C2CD3: variants seen among roughly 807,000 people sequenced by gnomAD.
C2CD3 encodes the protein C2 domain-containing protein 3.
Under a neutral mutation model 234.0 loss-of-function variants are expected in C2CD3, and 148 were observed. The ratio of observed to expected loss-of-function variants is 0.63; its 90% CI spans 0.55 to 0.72. The LOEUF (loss-of-function observed/expected upper bound fraction) is 0.72, where lower values mean the gene tolerates loss of function less well. Ranked by LOEUF, C2CD3 falls within the 30% of genes least tolerant of loss-of-function variation. The pLI is 0.00. For missense variants in C2CD3, 2,577 were observed against 2,811.5 expected (o/e 0.92, Z 1.89); for synonymous variants, 1,000 against 1,035.4 (o/e 0.97, Z 0.66).
chr11:74,117,004 A>ATATATACACATATATACGTGTATATGTG lies in C2CD3; in HGVS notation c.1520+1223_1520+1224insCACATATACACGTATATATGTGTATATA, dbSNP rs1565312970. 6.4e-5 allele frequency among the ~76,000 whole-genome samples: 8 copies of ATATATACACATATATACGTGTATATGTG among 124,272 alleles called. 1 individual carries two copies. The highest frequency in any genetic ancestry group is 1.0e-4 in the Non-Finnish European group (6 of 59,750). 81.5% of individuals were successfully genotyped at this position (124,272 alleles called of 152,430 possible). ...TATATACACATATACGTGTATATGTATATATACACATATATACGTGTATAT... is the reference window on the plus strand; with the variant it reads ...TATATACACATATACGTGTATATGTATATATACACATATATACGTGTATATGTGTATATACACATATATACGTGTATAT... On this transcript the variant is annotated intron_variant, in intron 9 of 32. Coordinates refer to ENST00000334126, the MANE Select transcript of C2CD3 (RefSeq NM_001286577.2).
intron 24 of C2CD3, among the ~76,000 whole-genome samples, chr11:74,060,513 A>G (rs946327828): frequency 6.6e-6 from 1 of 152,224 alleles, no homozygotes; most frequent in African/African-American, 2.4e-5. Flanking sequence ...CAGGGTCTGG[A>G]GTGGACCTCC....
chr11:74,113,057 C>T (rs1363402581), intron 11 of C2CD3: 1 of 152,168 alleles, frequency 6.6e-6, no homozygotes, highest in Non-Finnish European at 1.5e-5. Context: ...GAATGTCCAG[C>T]AACTGAGAAA....
rs750284612 is a variant in C2CD3, at chr11:74,098,272, T to A, written c.2733-17A>T. 3.7e-6 allele frequency: 6 copies of A among 1,609,926 alleles called. No homozygotes were observed. The East Asian group carries it at 1.3e-4, about 36-fold the overall frequency. On this transcript the variant is annotated splice_polypyrimidine_tract_variant and intron_variant, in intron 15 of 32. Coordinates refer to ENST00000334126, the MANE Select transcript of C2CD3 (RefSeq NM_001286577.2). Reference sequence around the variant, plus strand: ...TTAGCATCTCTAGAGGGGGAGAAATTGTGAATAAGCAAATAACAAGCATCA... The same window carrying A: ...TTAGCATCTCTAGAGGGGGAGAAATAGTGAATAAGCAAATAACAAGCATCA...
rs34906978 is a variant in C2CD3, at chr11:74,026,962, C to CAAA, written c.6921+1322_6921+1324dup. ...TTCCAGCTGGCGACAGAATAAGCCT[C>CAAA]AAAAAAAAAAAAAAAAAAAAATTTA... On this transcript the variant is annotated intron_variant, in intron 32 of 32. Transcript: ENST00000334126. 1.8e-3 allele frequency among the ~76,000 whole-genome samples: 186 copies of CAAA among 105,200 alleles called. 1 individual carries two copies. The highest frequency in any genetic ancestry group is 5.3e-3 in the African/African-American group (156 of 29,280). 69.0% of individuals were successfully genotyped at this position (105,200 alleles called of 152,430 possible). A position where few individuals can be genotyped will look rare whatever the true frequency, so the allele number is the denominator to read the frequency against.
At chr11:74,113,990 C>T in intron 10 of C2CD3, 98 bp from the exon 11 acceptor site, 1 of 718,042 alleles carries the variant, frequency 1.4e-6, no homozygotes, top group East Asian at 2.7e-5. Context: ...CTTTCAGGAC[C>T]TCTAGTACTC....
At chr11:74,082,208 C>T (rs1333198960) in intron 22 of C2CD3, among the ~76,000 whole-genome samples, 3 of 151,930 alleles carry the variant, frequency 2.0e-5, no homozygotes, top group South Asian at 2.1e-4. Flanking sequence ...CTCCGCCTCC[C>T]GGGTTCATGC....
chr11:74,034,913 C>T (rs963621545), intron 30 of C2CD3, among the ~76,000 whole-genome samples: 15 of 152,150 alleles, frequency 9.9e-5, no homozygotes, highest in African/African-American at 1.4e-4. Flanking sequence ...CATAAGGTTA[C>T]AGTAGAGAAT....
rs1474277776 is a variant in C2CD3, at chr11:74,116,182, C to T, written c.1521-1589G>A. Reference sequence around the variant, plus strand: ...CAAAAGAAACAGTCGGCAGAGTAAACAGACAACCCACAGAATGGGAGAAAA... The same window carrying T: ...CAAAAGAAACAGTCGGCAGAGTAAATAGACAACCCACAGAATGGGAGAAAA... On this transcript the variant is annotated intron_variant, in intron 9 of 32. Transcript: ENST00000334126. Among the ~76,000 whole-genome samples, 3 of 152,234 alleles carry T rather than the reference C, an allele frequency of 2.0e-5. No individual in the cohort carries two copies. In the South Asian group the frequency reaches 6.2e-4, roughly 32 times the overall value.
At chr11:74,063,183 C>T (rs867491823) in intron 24 of C2CD3, among the ~76,000 whole-genome samples, 2 of 152,140 alleles carry the variant, frequency 1.3e-5, no homozygotes, top group African/African-American at 2.4e-5. Context: ...GATTCACAGC[C>T]GCATCTACCA....
At chr11:74,164,186 T>C in intron 2 of C2CD3, 28 of 970,558 alleles carry the variant, frequency 2.9e-5, no homozygotes, top group Non-Finnish European at 3.3e-5. Flanking sequence ...TTAGAATCCC[T>C]ACTGTCCAGC....
Position 74,121,003 on chromosome 11 carries a change from A to C in C2CD3, c.1365+1985T>G, listed in dbSNP as rs994477679. 2.0e-5 allele frequency among the ~76,000 whole-genome samples: 3 copies of C among 151,922 alleles called. No individual in the cohort carries two copies. In the South Asian group the frequency reaches 6.3e-4, roughly 32 times the overall value. On this transcript the variant is annotated intron_variant, in intron 8 of 32. Transcript: ENST00000334126. Reference sequence around the variant, plus strand: ...GAGACCCTGTCTCTACAGAAAAAAAAAAAAAAGAGCTAAAATGTTTCAGGA... The same window carrying C: ...GAGACCCTGTCTCTACAGAAAAAAACAAAAAAGAGCTAAAATGTTTCAGGA...
At position 74,092,579 on chromosome 11, in the gene C2CD3, A is replaced by G; in HGVS notation, c.3354T>C (p.Tyr1118=). ...VQFEIWCRYY[Y]PNVRDQKVAK... is the part of the protein sequence containing the mutation. Reference sequence around the variant, plus strand: ...CGACCTTCTGGTCTCTCACATTAGGATAATAGTATCTGTAAACCACAAAAG... The same window carrying G: ...CGACCTTCTGGTCTCTCACATTAGGGTAATAGTATCTGTAAACCACAAAAG... Residue 1118 remains tyrosine, a synonymous_variant, in exon 19 of 33, where the codon TAT becomes TAC. Coordinates refer to ENST00000334126, the MANE Select transcript of C2CD3 (RefSeq NM_001286577.2). 6.2e-7 allele frequency: 1 copy of G among 1,612,238 alleles called. No individual in the cohort carries two copies. The highest frequency in any genetic ancestry group is 8.5e-7 in the Non-Finnish European group (1 of 1,179,130).
At chr11:74,144,444 CT>C (rs147032498) in intron 3 of C2CD3, among the ~76,000 whole-genome samples, 4,028 of 152,108 alleles carry the variant, frequency 0.026, 177 homozygotes, top group African/African-American at 0.091. Context: ...TACAGTTTTT[CT>C]TTTTTAAAAA....
chr11:74,114,366 C>T lies in C2CD3; in HGVS notation c.1730+18G>A. 2 of 1,591,104 alleles carry T rather than the reference C, an allele frequency of 1.3e-6. No individual in the cohort carries two copies. The highest frequency in any genetic ancestry group is 1.7e-6 in the Non-Finnish European group (2 of 1,160,800). ...TTCCAAAAATGTCAAATTTAGCTTT[C>T]TCATGTTAGAGACATACCGCTTTTT... On this transcript the variant is annotated intron_variant, in intron 10 of 32. Transcript: ENST00000334126.
At chr11:74,121,613 A>AAC (rs1957218900) in intron 8 of C2CD3, among the ~76,000 whole-genome samples, 2 of 132,758 alleles carry the variant, frequency 1.5e-5, no homozygotes, top group South Asian at 4.2e-4. Flanking sequence ...CGTCTCAAAA[A>AAC]AAAAAAAAAA....
In C2CD3 at chr11:74,103,317, T is replaced by C. The variant is rs1427358727; in HGVS notation, c.2394A>G (p.Thr798=). 6.2e-7 allele frequency: 1 copy of C among 1,614,202 alleles called. No individual in the cohort carries two copies. Among genetic ancestry groups the C allele is most frequent in the Non-Finnish European group, 8.5e-7 (1 of 1,180,024 alleles). ...HNLVNQTNGT[T]KESALLLHVL... is the part of the protein sequence containing the mutation. ...CATGCAACAGCAAAGCACTCTCTTT[T>C]GTTGTCCCATTTGTCTGATTGACTA... The change falls in exon 14 of 33, where the codon ACA becomes ACG. Residue 798 remains threonine (T), a synonymous_variant. Coordinates refer to ENST00000334126, the MANE Select transcript of C2CD3 (RefSeq NM_001286577.2).
At chr11:74,054,547 T>G in intron 26 of C2CD3, 60 bp downstream of exon 26, 1 of 906,806 alleles carries the variant, frequency 1.1e-6, no homozygotes, top group Non-Finnish European at 1.7e-6. Flanking sequence ...TGGTAGATTG[T>G]TAACAGGATG....
chr11:74,151,810 CAT>C (rs904762622), intron 3 of C2CD3, among the ~76,000 whole-genome samples: 10 of 151,868 alleles, frequency 6.6e-5, no homozygotes, highest in African/African-American at 2.2e-4. Context: ...AAACCGCTAT[CAT>C]ATAGATGCTC....
At chr11:74,074,231 T>C in intron 24 of C2CD3, 22 bp downstream of exon 24, 1 of 1,543,654 alleles carries the variant, frequency 6.5e-7, no homozygotes, top group Non-Finnish European at 8.9e-7. Context: ...GACATGCTCC[T>C]GGGTAGGTGA....
Sources: allele counts gnomAD v4.1 joint callset (sites outside exome capture counted in the v4.1 genomes callset), GRCh38; gene constraint gnomAD v4.1.1; transcripts MANE v1.5; gene names NCBI Gene and HGNC (gene_info 2026-07-23, HGNC 2026-07-21).